RARB: variants seen among roughly 807,000 people sequenced by gnomAD.
RARB encodes HBV-activated protein.
A neutral mutation model predicts 51.9 loss-of-function variants in RARB; 17 were observed. That is an observed-to-expected ratio of 0.33 (90% CI 0.22 to 0.49). RARB has a LOEUF of 0.49. RARB is among the 20% of genes least tolerant of loss of function. The probability of loss-of-function intolerance (pLI) is 0.99; values close to 1 mark genes in which losing one functional copy is unlikely to be tolerated. For missense variants in RARB, 369 were observed against 550.8 expected, an observed-to-expected ratio of 0.67 and a Z score of 3.30; for synonymous variants, 215 against 195.4, an observed-to-expected ratio of 1.10 and a Z score of -0.84.
At chr3:24,859,767 G>A (rs1173816951) in intron 2 of RARB, among the ~76,000 whole-genome samples, 2 of 152,156 alleles carry the variant, frequency 1.3e-5, no homozygotes, top group Non-Finnish European at 2.9e-5. Context: ...TAGGCTTTTT[G>A]TGGGCCATAT....
chr3:25,010,879 G>A (rs1329229393), intron 2 of RARB, among the ~76,000 whole-genome samples: 1 of 152,000 alleles, frequency 6.6e-6, no homozygotes, highest in Admixed American at 6.6e-5. Flanking sequence ...CTGCCTTTTA[G>A]TATTATCTTT....
intron 5 of RARB, among the ~76,000 whole-genome samples, chr3:25,229,957 C>G (rs1394291835): frequency 1.3e-5 from 2 of 152,040 alleles, no homozygotes; most frequent in African/African-American, 4.8e-5. Context: ...TTATCAAAGA[C>G]TTGTATGATA....
intron 1 of RARB, among the ~76,000 whole-genome samples, chr3:24,854,802 A>G (rs114901110): frequency 0.038 from 5,757 of 152,246 alleles, 130 homozygotes; most frequent in Middle Eastern, 0.061. Context: ...TCCAAATATT[A>G]TGAAATGTTC....
At chr3:25,564,826 C>T (rs1359330071) in intron 3 of RARB, among the ~76,000 whole-genome samples, 1 of 152,154 alleles carries the variant, frequency 6.6e-6, no homozygotes, top group Non-Finnish European at 1.5e-5. Context: ...CTGAAAGCAG[C>T]TTGTCAAACT....
chr3:25,373,848 A>C (rs532132564), intron 5 of RARB, among the ~76,000 whole-genome samples: 63 of 152,316 alleles, frequency 4.1e-4, no homozygotes, highest in African/African-American at 1.4e-3. Context: ...TTCCAGATCC[A>C]GGTAATGGGG....
chr3:24,982,186 AGCT>A (rs946418777), intron 2 of RARB, among the ~76,000 whole-genome samples: 2 of 152,152 alleles, frequency 1.3e-5, no homozygotes, highest in African/African-American at 2.4e-5. Context: ...GTCAGGGCCC[AGCT>A]GCTCTTTTTG....
chr3:25,523,698 T>A (rs1477674165), intron 3 of RARB, among the ~76,000 whole-genome samples: 1 of 152,208 alleles, frequency 6.6e-6, no homozygotes, highest in Non-Finnish European at 1.5e-5. Context: ...GCTTAACGAA[T>A]GTTTTTTGAA....
intron 5 of RARB, among the ~76,000 whole-genome samples, chr3:25,412,086 GAAATGACTCTGC>G (rs1335112532): frequency 6.6e-6 from 1 of 152,212 alleles, no homozygotes; most frequent in Non-Finnish European, 1.5e-5. Flanking sequence ...AGACTCCCTG[GAAATGACTCTGC>G]AAATTATCTA....
At chr3:25,201,955 G>C (rs1170032188) in intron 5 of RARB, among the ~76,000 whole-genome samples, 1 of 152,178 alleles carries the variant, frequency 6.6e-6, no homozygotes, top group Non-Finnish European at 1.5e-5. Context: ...CTCGTAAAAT[G>C]AGTTAGGGAG....
At chr3:24,954,880 G>A (rs1321796243) in intron 2 of RARB, among the ~76,000 whole-genome samples, 2 of 152,154 alleles carry the variant, frequency 1.3e-5, no homozygotes, top group African/African-American at 4.8e-5. Context: ...GAGCATGCAG[G>A]TGAGTGGTTG....
chr3:25,102,869 T>C (rs947752271), intron 3 of RARB, among the ~76,000 whole-genome samples: 1 of 152,154 alleles, frequency 6.6e-6, no homozygotes, highest in Non-Finnish European at 1.5e-5. Flanking sequence ...CTGGCCAACA[T>C]GGTAAAACCC....
intron 4 of RARB, among the ~76,000 whole-genome samples, chr3:25,576,078 G>A (rs977608031): frequency 3.5e-5 from 5 of 144,844 alleles, no homozygotes; most frequent in African/African-American, 2.5e-5. Flanking sequence ...AGGGAAAGAC[G>A]TTCCCAGCAA....
intron 1 of RARB, among the ~76,000 whole-genome samples, chr3:24,841,335 C>G (rs781191902): frequency 6.6e-6 from 1 of 152,116 alleles, no homozygotes; most frequent in East Asian, 1.9e-4. Flanking sequence ...ATACACAAAC[C>G]CTGCTCTTCA....
chr3:24,991,643 GT>G lies in RARB; in HGVS notation c.-379-68481del, dbSNP rs1696914385. On this transcript the variant is annotated intron_variant, in intron 2 of 11. Coordinates refer to the RARB transcript ENST00000383772. ...TTTATATTTCACAACAAGCACAGTTGTATTACGGGTTTAGGAAATTGCCTAC... is the reference window on the plus strand; with the variant it reads ...TTTATATTTCACAACAAGCACAGTTGATTACGGGTTTAGGAAATTGCCTAC... Among the ~76,000 whole-genome samples, 3 of 152,006 alleles carry G rather than the reference GT, an allele frequency of 2.0e-5. No homozygotes were observed. The South Asian group carries it at 6.2e-4, about 32-fold the overall frequency.
chr3:24,859,060 A>G (rs1313237863), intron 2 of RARB, among the ~76,000 whole-genome samples: 3 of 23,896 alleles, frequency 1.3e-4, no homozygotes, highest in Non-Finnish European at 2.6e-4. Flanking sequence ...AAAAAAAAGA[A>G]AAAAAAAAAG....
At chr3:25,252,352 A>C (rs2125402490) in intron 5 of RARB, among the ~76,000 whole-genome samples, 1 of 152,192 alleles carries the variant, frequency 6.6e-6, no homozygotes, top group Admixed American at 6.5e-5. Context: ...ATTATATATA[A>C]ATTTTAGGAT....
At chr3:25,407,323 C>T (rs1427233053) in intron 5 of RARB, among the ~76,000 whole-genome samples, 2 of 152,098 alleles carry the variant, frequency 1.3e-5, no homozygotes, top group African/African-American at 4.8e-5. Context: ...TCTGGTTTGG[C>T]CATTATGCAC....
chr3:24,855,032 A>G (rs1366834641), intron 1 of RARB, among the ~76,000 whole-genome samples: 1 of 152,188 alleles, frequency 6.6e-6, no homozygotes, highest in African/African-American at 2.4e-5. Flanking sequence ...AGATGTGTAC[A>G]TATAAGTAAA....
intron 2 of RARB, among the ~76,000 whole-genome samples, chr3:24,952,977 A>G (rs1252056314): frequency 1.3e-5 from 2 of 152,184 alleles, no homozygotes; most frequent in Non-Finnish European, 2.9e-5. Context: ...GTATGAAAGA[A>G]TATTTATATA....
Sources: gnomAD v4.1 joint callset for allele counts (sites outside exome capture counted in the v4.1 genomes callset) on GRCh38, gnomAD v4.1.1 for gene constraint, MANE v1.5 for transcripts, NCBI Gene and HGNC (gene_info 2026-07-23, HGNC 2026-07-21) for gene names.